PARD3B: variants seen among roughly 807,000 people sequenced by gnomAD.
PARD3B encodes partitioning defective 3 homolog B.
A neutral mutation model predicts 130.2 loss-of-function variants in PARD3B; 103 were observed. The observed-to-expected ratio is 0.79, with a 90% CI of 0.67 to 0.93. The LOEUF is 0.93. Ranked by LOEUF, PARD3B falls within the 40% of genes least tolerant of loss-of-function variation. The probability of loss-of-function intolerance (pLI) is 0.00; values close to 1 mark genes in which losing one functional copy is unlikely to be tolerated. For synonymous variants in PARD3B, 583 were observed against 553.2 expected, an observed-to-expected ratio of 1.05 and a Z score of -0.76; for missense variants, 1,609 against 1,499.2, an observed-to-expected ratio of 1.07 and a Z score of -1.21.
rs959520058 is a variant in PARD3B, at chr2:205,481,677, C to G, written c.3045-18219C>G. Among the ~76,000 whole-genome samples the G allele has an allele frequency of 3.9e-5, 6 of 152,166 alleles. No homozygotes were observed. In the East Asian group the frequency reaches 9.6e-4, roughly 24 times the overall value. ...GCTTTAAATAAAAACTCACTTTGCTCCTCAAAACTACCCTACTTGGTTTTA... is the reference window on the plus strand; with the variant it reads ...GCTTTAAATAAAAACTCACTTTGCTGCTCAAAACTACCCTACTTGGTTTTA... On this transcript the variant is annotated intron_variant, in intron 20 of 22. Coordinates refer to ENST00000406610, the MANE Select transcript of PARD3B (RefSeq NM_001302769.2).
intron 1 of PARD3B, among the ~76,000 whole-genome samples, chr2:204,609,185 T>C (rs1162422004): frequency 6.6e-6 from 1 of 152,216 alleles, no homozygotes; most frequent in Non-Finnish European, 1.5e-5. Context: ...ATTAAGTCTT[T>C]GAGTGTATCA....
intron 18 of PARD3B, among the ~76,000 whole-genome samples, chr2:205,304,310 C>T (rs1362713092): frequency 6.6e-6 from 1 of 152,064 alleles, no homozygotes; most frequent in Admixed American, 6.5e-5. Context: ...CCCCAGCAGG[C>T]CTGATGTCAT....
chr2:205,362,170 C>T (rs2105882496), intron 18 of PARD3B, among the ~76,000 whole-genome samples: 1 of 152,296 alleles, frequency 6.6e-6, no homozygotes, highest in East Asian at 1.9e-4. Context: ...ACTGCTGACT[C>T]AGATGTTTTA....
At chr2:204,747,209 T>C (rs996472733) in intron 2 of PARD3B, among the ~76,000 whole-genome samples, 2 of 152,204 alleles carry the variant, frequency 1.3e-5, no homozygotes, top group African/African-American at 4.8e-5. Context: ...TGGCCAGTTT[T>C]CCCAGCACCA....
At chr2:205,604,495 G>C (rs573650272) in intron 22 of PARD3B, among the ~76,000 whole-genome samples, 3 of 152,070 alleles carry the variant, frequency 2.0e-5, no homozygotes, top group African/African-American at 7.3e-5. Flanking sequence ...TGGGTCCCTC[G>C]CACAACACTT....
chr2:204,744,103 C>A (rs1388927534), intron 2 of PARD3B, among the ~76,000 whole-genome samples: 1 of 152,130 alleles, frequency 6.6e-6, no homozygotes, highest in Admixed American at 6.6e-5. Context: ...TCTCAACTCT[C>A]AATTGATTTG....
Position 205,585,515 on chromosome 2 carries a change from G to T in PARD3B, c.3261-29941G>T, listed in dbSNP as rs1275186865. ...AGAATCGGCAGGCATTTATTTAAAT[G>T]GGATCAGTTAGGGAGGGAGCAGGCC... On this transcript the variant is annotated intron_variant, in intron 22 of 22. Coordinates refer to ENST00000406610, the MANE Select transcript of PARD3B (RefSeq NM_001302769.2). The surrounding 1 kb of genome is among the most constrained non-coding windows in gnomAD (Gnocchi z 5.4). Among the ~76,000 whole-genome samples, 2 of 152,284 alleles carry T rather than the reference G, an allele frequency of 1.3e-5. No individual in the cohort carries two copies. Among genetic ancestry groups the T allele is most frequent in the African/African-American group, 4.8e-5 (2 of 41,562 alleles).
intron 14 of PARD3B, among the ~76,000 whole-genome samples, chr2:205,188,696 G>A (rs958073790): frequency 1.6e-4 from 25 of 151,856 alleles, no homozygotes; most frequent in Non-Finnish European, 3.2e-4. Context: ...AGCAGCAGGG[G>A]TTGGATGTGT....
intron 20 of PARD3B, among the ~76,000 whole-genome samples, chr2:205,448,358 T>C (rs909278210): frequency 6.6e-6 from 1 of 152,232 alleles, no homozygotes; most frequent in Non-Finnish European, 1.5e-5. Flanking sequence ...CCTAAGCTTT[T>C]ATGTCCATTG....
intron 18 of PARD3B, among the ~76,000 whole-genome samples, chr2:205,365,295 C>G (rs1050598145): frequency 6.6e-6 from 1 of 151,688 alleles, no homozygotes; most frequent in Admixed American, 6.6e-5. Flanking sequence ...TGCTTGAACC[C>G]AGGAGGCAGA....
intron 18 of PARD3B, among the ~76,000 whole-genome samples, chr2:205,359,127 C>G (rs551477604): frequency 1.3e-5 from 2 of 152,218 alleles, no homozygotes; most frequent in African/African-American, 2.4e-5. Flanking sequence ...CTGACTCTTA[C>G]AAACACCAAG....
intron 4 of PARD3B, among the ~76,000 whole-genome samples, chr2:205,084,781 A>T (rs1701640023): frequency 1.3e-5 from 2 of 151,924 alleles, no homozygotes; most frequent in African/African-American, 4.8e-5. Flanking sequence ...ATGTGTATTT[A>T]TGGGCTCTTT....
chr2:205,397,907 T>C lies in PARD3B; in HGVS notation c.2631-3106T>C, dbSNP rs1333658952. On this transcript the variant is annotated intron_variant, in intron 18 of 22. Coordinates refer to ENST00000406610, the MANE Select transcript of PARD3B (RefSeq NM_001302769.2). This position sits in a 1 kb window ranked among gnomAD's most constrained non-coding sequence, Gnocchi z 4.8. ...ACTCTTCTGCATGGGTCTGGAATGC[T>C]AAAGAATGTATTCATGAAAACATTA... Among the ~76,000 whole-genome samples the C allele has an allele frequency of 6.6e-6, 1 of 152,208 alleles. No homozygotes were observed. Among genetic ancestry groups the C allele is most frequent in the African/African-American group, 2.4e-5 (1 of 41,446 alleles).
At chr2:205,442,990 CTCTT>C (rs1491001251) in intron 20 of PARD3B, among the ~76,000 whole-genome samples, 2 of 152,144 alleles carry the variant, frequency 1.3e-5, no homozygotes, top group African/African-American at 4.8e-5. Flanking sequence ...CAAAATGTGA[CTCTT>C]TATACTCAGA....
intron 1 of PARD3B, among the ~76,000 whole-genome samples, chr2:204,589,391 C>T (rs1213439570): frequency 6.6e-6 from 1 of 152,152 alleles, no homozygotes; most frequent in Non-Finnish European, 1.5e-5. Flanking sequence ...ACTAACAGGC[C>T]TCAAATGTCA....
chr2:205,567,320 T>G (rs1436140093), intron 22 of PARD3B, among the ~76,000 whole-genome samples: 9 of 124,096 alleles, frequency 7.3e-5, no homozygotes, highest in Admixed American at 3.2e-4. Context: ...TTTTTTTTTT[T>G]TTTTTTTTTT....
intron 2 of PARD3B, among the ~76,000 whole-genome samples, chr2:204,963,656 C>T (rs1690944296): frequency 6.6e-6 from 1 of 152,170 alleles, no homozygotes; most frequent in Admixed American, 6.5e-5. Flanking sequence ...AAGTGTTAAA[C>T]TCATTCTGGC....
At chr2:204,721,525 C>A (rs1271151337) in intron 2 of PARD3B, among the ~76,000 whole-genome samples, 1 of 152,144 alleles carries the variant, frequency 6.6e-6, no homozygotes, top group Non-Finnish European at 1.5e-5. Context: ...CCCAATTTAA[C>A]ATATCTTTAA....
chr2:205,238,844 AAAAAAAT>A (rs2039190364), intron 15 of PARD3B, among the ~76,000 whole-genome samples: 1 of 81,446 alleles, frequency 1.2e-5, no homozygotes, highest in African/African-American at 5.7e-5. Context: ...TCAAAAAAAA[AAAAAAAT>A]ATATATATAT....
Sources: gnomAD v4.1 joint callset for allele counts (sites outside exome capture counted in the v4.1 genomes callset) on GRCh38, gnomAD v4.1.1 for gene constraint, Gnocchi (gnomAD v3.1) non-coding constraint, MANE v1.5 for transcripts, NCBI Gene and HGNC (gene_info 2026-07-23, HGNC 2026-07-21) for gene names.